The following C5orf58 variants were observed in gnomAD, a reference collection of about 807,000 sequenced individuals.
C5orf58 encodes putative uncharacterized protein C5orf58.
A neutral mutation model predicts 2.9 loss-of-function variants in C5orf58; 2 were observed. That is an observed-to-expected ratio of 0.69 (90% confidence interval 0.28 to 2.18). The LOEUF is 2.18. Ranked by LOEUF, C5orf58 falls within the 30% of genes most tolerant of loss-of-function variation. The pLI, the probability that C5orf58 is intolerant of heterozygous loss-of-function variation, is 0.13. For synonymous variants in C5orf58, 37 were observed against 33.4 expected (o/e 1.11, Z -0.37); for missense variants, 96 against 91.7 (o/e 1.05, Z -0.19).
chr5:170,239,781 T>C (rs1291798191), intron 3 of C5orf58, among the ~76,000 whole-genome samples: 1 of 152,220 alleles, frequency 6.6e-6, no homozygotes, highest in Non-Finnish European at 1.5e-5. Flanking sequence ...ATCTTATTTT[T>C]TTTTTAATTA....
In C5orf58 at chr5:170,234,164, C is replaced by A. The variant is rs536956511; in HGVS notation, c.-35C>A. 1 of 1,367,550 alleles carries A rather than the reference C, an allele frequency of 7.3e-7. No individual in the cohort carries two copies. Among genetic ancestry groups the A allele is most frequent in the East Asian group, 4.5e-5 (1 of 21,980 alleles). The allele number at this position is 1,367,550 out of a possible 1,614,324, so 84.7% of individuals were successfully genotyped here. A position where few individuals can be genotyped will look rare whatever the true frequency, so the allele number is the denominator to read the frequency against. ...AGAGAAATTGCAGAAATTCTCCCTG[C>A]TCAGGAAAAGGTAGAGGCAAGGATT... On this transcript the variant is annotated 5_prime_UTR_variant, in exon 2 of 4. Coordinates refer to ENST00000593851, the MANE Select transcript of C5orf58 (RefSeq NM_001102609.3).
intron 3 of C5orf58, among the ~76,000 whole-genome samples, chr5:170,239,012 T>G (rs1364836182): frequency 6.6e-6 from 1 of 152,162 alleles, no homozygotes; most frequent in African/African-American, 2.4e-5. Flanking sequence ...GTTCCCAAGA[T>G]ACCAGCTGTA....
chr5:170,238,980 C>T (rs1303068844), intron 3 of C5orf58, among the ~76,000 whole-genome samples: 3 of 152,174 alleles, frequency 2.0e-5, no homozygotes, highest in African/African-American at 7.2e-5. Flanking sequence ...TAAAAGGAGT[C>T]TCTAGGATAT....
downstream of C5orf58, among the ~76,000 whole-genome samples, chr5:170,249,718 C>T (rs1285114854): frequency 6.6e-6 from 1 of 152,162 alleles, no homozygotes; most frequent in African/African-American, 2.4e-5. Context: ...GCCTGGATCG[C>T]CCCAGCCTTG....
At chr5:170,248,707 C>G, downstream of C5orf58, 1 of 1,611,834 alleles carries the variant, frequency 6.2e-7, no homozygotes, top group Non-Finnish European at 8.5e-7. Flanking sequence ...CTATGGGTAC[C>G]CTGCAGCATG....
downstream of C5orf58, chr5:170,250,873 G>T: frequency 6.2e-7 from 1 of 1,613,340 alleles, no homozygotes; most frequent in South Asian, 1.1e-5. Context: ...TCTCTGACCA[G>T]AAATGTGCCA....
At chr5:170,243,954 G>A (rs1439593890) in intron 3 of C5orf58, among the ~76,000 whole-genome samples, 4 of 143,666 alleles carry the variant, frequency 2.8e-5, no homozygotes, top group African/African-American at 7.8e-5. Context: ...TCCTTCAGGA[G>A]CTCTTTTAGG....
chr5:170,244,885 T>A (rs1761188624), intron 3 of C5orf58, among the ~76,000 whole-genome samples: 1 of 152,054 alleles, frequency 6.6e-6, no homozygotes, highest in Admixed American at 6.5e-5. Context: ...GTTTTTCTGT[T>A]CTGTTTTTTC....
intron 1 of C5orf58, chr5:170,233,843 G>C: frequency 3.0e-6 from 1 of 335,410 alleles, no homozygotes; most frequent in Non-Finnish European, 5.8e-6. Flanking sequence ...CTGGGTGCTC[G>C]AGGGCCTAGG....
Position 170,234,139 on chromosome 5 carries a change from A to G in C5orf58, c.-60A>G, listed in dbSNP as rs376291320. 7.3e-6 allele frequency: 10 copies of G among 1,367,450 alleles called. No homozygotes were observed. In the African/African-American group the frequency reaches 1.2e-4, roughly 16 times the overall value. The allele number at this position is 1,367,450 out of a possible 1,614,324, so 84.7% of individuals were successfully genotyped here. ...GTTTTTTTACAGTGGCTCTGAAATG[A>G]GAGAAATTGCAGAAATTCTCCCTGC... is the stretch of plus-strand genomic sequence containing the variant. On this transcript the variant is annotated 5_prime_UTR_variant, in exon 2 of 4. Transcript: ENST00000593851.
At chr5:170,251,818 T>C (rs1761451328) in exon 3 of C5orf58, 1 of 328,082 alleles carries the variant, frequency 3.0e-6, no homozygotes, top group Non-Finnish European at 6.4e-6. Context: ...TCGGGATTTT[T>C]CAAAAGTTCT....
chr5:170,245,529 C>T (rs1391869381), intron 3 of C5orf58, among the ~76,000 whole-genome samples: 3 of 152,156 alleles, frequency 2.0e-5, no homozygotes, highest in Non-Finnish European at 4.4e-5. Context: ...GGGAGTGACC[C>T]GATTTTCCAG....
chr5:170,246,563 C>G (rs566067231), downstream of C5orf58: 1 of 155,944 alleles, frequency 6.4e-6, no homozygotes, highest in East Asian at 1.9e-4. Flanking sequence ...GTGTTGGCCT[C>G]GTTGTCTTCT....
At chr5:170,239,718 A>G (rs1760900613) in intron 3 of C5orf58, among the ~76,000 whole-genome samples, 1 of 152,196 alleles carries the variant, frequency 6.6e-6, no homozygotes. Flanking sequence ...AGTTGGGCTA[A>G]AGAGCACCCT....
downstream of C5orf58, chr5:170,247,961 C>A (rs1214353257): frequency 6.6e-6 from 1 of 152,144 alleles, no homozygotes; most frequent in Non-Finnish European, 1.5e-5. Context: ...CACGATACAC[C>A]AAAGTCTCAT....
chr5:170,239,398 G>GAAAAAAAAAAAAAAAAA (rs11446646), intron 3 of C5orf58, among the ~76,000 whole-genome samples: 1 of 143,342 alleles, frequency 7.0e-6, no homozygotes. Context: ...ACTGAAAATT[G>GAAAAAAAAAAAAAAAAA]AAAAAAAAAA....
downstream of C5orf58, among the ~76,000 whole-genome samples, chr5:170,250,560 C>T (rs1002643659): frequency 1.3e-5 from 2 of 152,114 alleles, no homozygotes; most frequent in Non-Finnish European, 2.9e-5. Flanking sequence ...GCAGAAGTAA[C>T]CATTGTAAAG....
chr5:170,246,248 G>T (rs115514566), downstream of C5orf58: 9 of 736,122 alleles, frequency 1.2e-5, no homozygotes, highest in African/African-American at 1.2e-4. Flanking sequence ...GTTCTTGAAG[G>T]CTGTTTAATG....
At chr5:170,235,864 A>G (rs148483548) in intron 3 of C5orf58, among the ~76,000 whole-genome samples, 76 of 152,338 alleles carry the variant, frequency 5.0e-4, no homozygotes, top group African/African-American at 1.6e-3. Context: ...ACAATAAGGA[A>G]AAACAAGAAG....
Sources: allele counts gnomAD v4.1 joint callset (sites outside exome capture counted in the v4.1 genomes callset), GRCh38; gene constraint gnomAD v4.1.1; transcripts MANE v1.5; gene names NCBI Gene and HGNC (gene_info 2026-07-23, HGNC 2026-07-21).